ARHGAP15: variants seen among roughly 807,000 people sequenced by gnomAD.
ARHGAP15 encodes the protein Rho GTPase activating protein 15, also known as rho GTPase-activating protein 15.
Under a neutral mutation model 63.7 loss-of-function variants are expected in ARHGAP15, and 51 were observed. That is an observed-to-expected ratio of 0.80 (90% confidence interval 0.64 to 1.01). The LOEUF (loss-of-function observed/expected upper bound fraction) is 1.01. Among genes scored for constraint, ARHGAP15 ranks in the 50% least tolerant of loss-of-function variants. The pLI is 0.00. For synonymous variants in ARHGAP15, 191 were observed against 193.8 expected (o/e 0.99, Z 0.12); for missense variants, 560 against 564.6 (o/e 0.99, Z 0.08).
intron 1 of ARHGAP15, among the ~76,000 whole-genome samples, chr2:143,146,927 T>C (rs757374500): frequency 1.3e-5 from 2 of 152,052 alleles, no homozygotes; most frequent in Non-Finnish European, 2.9e-5. Context: ...AATTACTGAT[T>C]ACTGTTAATT....
intron 6 of ARHGAP15, among the ~76,000 whole-genome samples, chr2:143,386,740 C>A (rs1687303022): frequency 6.6e-6 from 1 of 152,106 alleles, no homozygotes; most frequent in Non-Finnish European, 1.5e-5. Flanking sequence ...TACAAGCATG[C>A]ACAACAACCT....
intron 6 of ARHGAP15, among the ~76,000 whole-genome samples, chr2:143,332,896 C>T (rs534447009): frequency 5.3e-5 from 8 of 149,812 alleles, no homozygotes; most frequent in African/African-American, 1.2e-4. Flanking sequence ...CTGCATAGTA[C>T]GTATAAAAAC....
At chr2:143,156,810 C>T (rs1690098860) in intron 2 of ARHGAP15, among the ~76,000 whole-genome samples, 1 of 151,886 alleles carries the variant, frequency 6.6e-6, no homozygotes, top group African/African-American at 2.4e-5. Flanking sequence ...TTTACTTTCT[C>T]ATTTAAAAGT....
At chr2:143,552,159 C>G (rs1489560581) in intron 10 of ARHGAP15, among the ~76,000 whole-genome samples, 2 of 152,180 alleles carry the variant, frequency 1.3e-5, no homozygotes, top group Non-Finnish European at 2.9e-5. Flanking sequence ...AGGAGAGGGA[C>G]TGTTTGTGCA....
intron 12 of ARHGAP15, among the ~76,000 whole-genome samples, chr2:143,639,603 A>G (rs1431156109): frequency 6.6e-6 from 1 of 152,174 alleles, no homozygotes; most frequent in Non-Finnish European, 1.5e-5. Flanking sequence ...AAAGGTAGAA[A>G]GAAGGCACTA....
intron 6 of ARHGAP15, among the ~76,000 whole-genome samples, chr2:143,272,910 C>A (rs888366427): frequency 6.6e-6 from 1 of 152,076 alleles, no homozygotes; most frequent in African/African-American, 2.4e-5. Flanking sequence ...TTAAATTTAA[C>A]TCTATATGAT....
intron 11 of ARHGAP15, among the ~76,000 whole-genome samples, chr2:143,594,781 G>A (rs10803495): frequency 0.78 from 118,256 of 152,118 alleles, 46,035 homozygotes; most frequent in Non-Finnish European, 0.79. Context: ...TTGATTGCTG[G>A]TGGAGCAAAT....
At chr2:143,294,393 G>A (rs371785988) in intron 6 of ARHGAP15, among the ~76,000 whole-genome samples, 1 of 152,012 alleles carries the variant, frequency 6.6e-6, no homozygotes, top group Non-Finnish European at 1.5e-5. Flanking sequence ...CTGTAACAAA[G>A]CCCAAAATAG....
chr2:143,445,751 T>G (rs1326340583), intron 8 of ARHGAP15, among the ~76,000 whole-genome samples: 1 of 152,174 alleles, frequency 6.6e-6, no homozygotes, highest in Non-Finnish European at 1.5e-5. Context: ...TCTAACACCC[T>G]ATTTTATTTG....
At chr2:143,679,740 G>A (rs748835338) in intron 12 of ARHGAP15, among the ~76,000 whole-genome samples, 5 of 151,714 alleles carry the variant, frequency 3.3e-5, no homozygotes, top group Non-Finnish European at 5.9e-5. Flanking sequence ...CTGTGCTTTC[G>A]TCCTCGAAGC....
chr2:143,437,925 G>A (rs1689684848), intron 8 of ARHGAP15, among the ~76,000 whole-genome samples: 1 of 152,134 alleles, frequency 6.6e-6, no homozygotes, highest in African/African-American at 2.4e-5. Flanking sequence ...TCAGGAGGTT[G>A]AGGCAGGAGA....
intron 10 of ARHGAP15, among the ~76,000 whole-genome samples, chr2:143,541,973 A>T (rs893581044): frequency 2.0e-5 from 3 of 152,316 alleles, no homozygotes; most frequent in African/African-American, 7.2e-5. Context: ...CTGCCCCCAG[A>T]GGTGGAGCCT....
intron 11 of ARHGAP15, among the ~76,000 whole-genome samples, chr2:143,611,146 A>G (rs1698239435): frequency 6.6e-6 from 1 of 152,212 alleles, no homozygotes; most frequent in South Asian, 2.1e-4. Flanking sequence ...GAAATAAATT[A>G]TTAATCCAGG....
At chr2:143,165,302 G>A (rs1000511536) in intron 2 of ARHGAP15, among the ~76,000 whole-genome samples, 3 of 152,034 alleles carry the variant, frequency 2.0e-5, no homozygotes, top group Non-Finnish European at 4.4e-5. Context: ...CTCTGTGAAG[G>A]AAGAATAGTG....
At chr2:143,366,865 A>G (rs1322307292) in intron 6 of ARHGAP15, among the ~76,000 whole-genome samples, 1 of 152,004 alleles carries the variant, frequency 6.6e-6, no homozygotes, top group African/African-American at 2.4e-5. Context: ...TAAAATACAT[A>G]AAGGGTGGTC....
intron 2 of ARHGAP15, among the ~76,000 whole-genome samples, chr2:143,194,595 A>G (rs1691814610): frequency 6.6e-6 from 1 of 152,206 alleles, no homozygotes; most frequent in South Asian, 2.1e-4. Flanking sequence ...TATATTACTT[A>G]GGCATCTCTG....
intron 6 of ARHGAP15, among the ~76,000 whole-genome samples, chr2:143,321,917 ATCC>A: frequency 6.6e-6 from 1 of 152,158 alleles, no homozygotes; most frequent in East Asian, 1.9e-4. Context: ...GCCTCAAGCA[ATCC>A]TCCTGCCTTG....
chr2:143,383,895 G>T (rs538859713), intron 6 of ARHGAP15, among the ~76,000 whole-genome samples: 1 of 152,164 alleles, frequency 6.6e-6, no homozygotes, highest in South Asian at 2.1e-4. Context: ...TACAAGATGG[G>T]GTCTTAGAGT....
chr2:143,263,529 C>A (rs1046297705), intron 6 of ARHGAP15, among the ~76,000 whole-genome samples: 2 of 152,080 alleles, frequency 1.3e-5, no homozygotes, highest in African/African-American at 4.8e-5. Context: ...CCATCTCTGC[C>A]ACATGGCCAC....
Sources: allele counts gnomAD v4.1 joint callset (sites outside exome capture counted in the v4.1 genomes callset), GRCh38; gene constraint gnomAD v4.1.1; transcripts MANE v1.5; gene names NCBI Gene and HGNC (gene_info 2026-07-23, HGNC 2026-07-21).